AMELY: variants seen among roughly 807,000 people sequenced by gnomAD.
The protein encoded by AMELY is amelogenin Y-linked, also known as amelogenin, Y isoform.
Under a neutral mutation model 4.2 loss-of-function variants are expected in AMELY, and 4 were observed. The observed-to-expected ratio is 0.96, with a 90% CI of 0.47 to 2.19. AMELY has a LOEUF of 2.19. Ranked by LOEUF, AMELY falls within the 30% of genes most tolerant of loss-of-function variation. The pLI is 0.02. For missense variants in AMELY, 32 were observed against 41.5 expected (o/e 0.77, Z 0.63); for synonymous variants, 11 against 14.7 (o/e 0.75, Z 0.57).
intron 1 of AMELY, among the ~76,000 whole-genome samples, chrY:6,897,976 G>A (rs2054087155): frequency 3.1e-5 from 1 of 31,786 alleles, no homozygotes; most frequent in Admixed American, 2.9e-4. Context: ...GTAGAGACAG[G>A]GTTTCTCCAT....
intron 1 of AMELY, among the ~76,000 whole-genome samples, chrY:6,901,615 A>C: frequency 3.0e-5 from 1 of 33,452 alleles, no homozygotes; most frequent in African/African-American, 1.2e-4. Context: ...GGTTGTATTA[A>C]GGTTCTCTAC....
chrY:6,904,774 G>C lies in AMELY; in HGVS notation c.-113+6899C>G. ...CTGTCCATGACCCACTTTATGGCTAGATGGCTCAGAAAGCACCCAGTTCAT... is the reference window on the plus strand; with the variant it reads ...CTGTCCATGACCCACTTTATGGCTACATGGCTCAGAAAGCACCCAGTTCAT... On this transcript the variant is annotated intron_variant, in intron 1 of 6. Transcript: ENST00000651267. Among the ~76,000 whole-genome samples, 3 of 33,481 alleles carry C rather than the reference G, an allele frequency of 9.0e-5. No individual in the cohort carries two copies. The East Asian group carries it at 2.4e-3, about 27-fold the overall frequency. 89.8% of individuals were successfully genotyped at this position (33,481 alleles called of 37,273 possible).
chrY:6,898,822 G>A, intron 1 of AMELY, among the ~76,000 whole-genome samples: 1 of 33,690 alleles, frequency 3.0e-5, no homozygotes, highest in Non-Finnish European at 7.3e-5. Context: ...TATTACAGCA[G>A]TGACAGGAAG....
At chrY:6,893,897 A>G in intron 1 of AMELY, among the ~76,000 whole-genome samples, 1 of 33,263 alleles carries the variant, frequency 3.0e-5, no homozygotes, top group East Asian at 8.0e-4. Context: ...ACTGTGTACT[A>G]CAAAAAATTG....
At chrY:6,904,333 G>T (rs752322253) in intron 1 of AMELY, among the ~76,000 whole-genome samples, 281 of 33,689 alleles carry the variant, frequency 8.3e-3, no homozygotes, top group African/African-American at 0.031. Flanking sequence ...CAAACCATTG[G>T]CTACAGCTCA....
chrY:6,905,937 A>G, intron 1 of AMELY, among the ~76,000 whole-genome samples: 1 of 33,043 alleles, frequency 3.0e-5, no homozygotes, highest in Admixed American at 2.8e-4. Context: ...CCCAAATGTC[A>G]TCTTGAATTG....
At chrY:6,895,702 T>G (rs2054085766) in intron 1 of AMELY, among the ~76,000 whole-genome samples, 1 of 33,826 alleles carries the variant, frequency 3.0e-5, no homozygotes, top group Admixed American at 2.7e-4. Flanking sequence ...TGCTTCCGGC[T>G]TGGTTCTTTT....
intron 1 of AMELY, among the ~76,000 whole-genome samples, chrY:6,885,217 T>A (rs72617687): frequency 8.9e-5 from 3 of 33,863 alleles, no homozygotes; most frequent in Admixed American, 2.7e-4. Flanking sequence ...CAGTGACTCA[T>A]GCCTGTAATC....
chrY:6,870,257 T>G, intron 3 of AMELY, among the ~76,000 whole-genome samples: 1 of 33,625 alleles, frequency 3.0e-5, no homozygotes, highest in Admixed American at 2.7e-4. Context: ...GAGAGGAGAC[T>G]TCTTATTTTA....
intron 1 of AMELY, among the ~76,000 whole-genome samples, chrY:6,897,768 G>C: frequency 6.5e-5 from 2 of 30,590 alleles, no homozygotes; most frequent in Non-Finnish European, 1.6e-4. Flanking sequence ...ACCATGCGTG[G>C]CTAATATTTT....
chrY:6,909,939 G>C (rs776860627), intron 1 of AMELY, among the ~76,000 whole-genome samples: 6 of 33,200 alleles, frequency 1.8e-4, no homozygotes, highest in Admixed American at 1.7e-3. Context: ...CCTCAGAGGT[G>C]CTGGGGAGGG....
chrY:6,888,895 ATTATAT>A (rs2054081518), intron 1 of AMELY, among the ~76,000 whole-genome samples: 1 of 23,568 alleles, frequency 4.2e-5, no homozygotes, highest in Non-Finnish European at 9.5e-5. Context: ...AAAAAAAAAG[ATTATAT>A]TTATAGAAAT....
chrY:6,910,164 T>C, intron 1 of AMELY, among the ~76,000 whole-genome samples: 3 of 32,562 alleles, frequency 9.2e-5, no homozygotes, highest in Non-Finnish European at 1.5e-4. Flanking sequence ...TACGCCAGTT[T>C]GTCCCTAAGA....
intron 1 of AMELY, among the ~76,000 whole-genome samples, chrY:6,886,260 A>G: frequency 1.8e-4 from 6 of 34,140 alleles, no homozygotes; most frequent in Admixed American, 1.6e-3. Flanking sequence ...GAAAACAAAC[A>G]AAAGTCAAGA....
chrY:6,892,902 A>C (rs2054084317), intron 1 of AMELY, among the ~76,000 whole-genome samples: 1 of 33,449 alleles, frequency 3.0e-5, no homozygotes, highest in East Asian at 8.0e-4. Flanking sequence ...TTACAAAATT[A>C]ATCTTAGAGA....
intron 1 of AMELY, among the ~76,000 whole-genome samples, chrY:6,897,974 A>G (rs2054087139): frequency 4.4e-4 from 14 of 31,864 alleles, no homozygotes; most frequent in Non-Finnish European, 1.1e-3. Flanking sequence ...TAGTAGAGAC[A>G]GGGTTTCTCC....
intron 1 of AMELY, among the ~76,000 whole-genome samples, chrY:6,887,073 T>G (rs768481488): frequency 3.0e-5 from 1 of 33,398 alleles, no homozygotes; most frequent in Admixed American, 2.8e-4. Context: ...TTTAAAATAC[T>G]AAAACAAATT....
intron 1 of AMELY, among the ~76,000 whole-genome samples, chrY:6,884,770 C>A: frequency 3.0e-5 from 1 of 33,302 alleles, no homozygotes; most frequent in Non-Finnish European, 7.4e-5. Flanking sequence ...AATTCAACAA[C>A]AAGACTTAAC....
At position 6,908,618 on chromosome Y, in the gene AMELY, G is replaced by A; in HGVS notation, c.-113+3055C>T. Among the ~76,000 whole-genome samples, 6 of 32,644 alleles carry A rather than the reference G, an allele frequency of 1.8e-4. No homozygotes were observed. The South Asian group carries it at 4.2e-3, about 23-fold the overall frequency. The allele number at this position is 32,644 out of a possible 37,273, so 87.6% of individuals were successfully genotyped here. On this transcript the variant is annotated intron_variant, in intron 1 of 6. Transcript: ENST00000651267. The stretch of plus-strand genomic sequence containing the variant: ...CGGGAACACACATCTCTAGTGCAGT[G>A]GGTATCTGTGGAAATTATTGTGGCT...
Sources: allele counts gnomAD v4.1 joint callset (sites outside exome capture counted in the v4.1 genomes callset), GRCh38; gene constraint gnomAD v4.1.1; transcripts MANE v1.5; gene names NCBI Gene and HGNC (gene_info 2026-07-23, HGNC 2026-07-21).